Variants in RYR2 observed in about 807,000 individuals in gnomAD.
RYR2 encodes ryanodine receptor 2.
A neutral mutation model predicts 601.1 loss-of-function variants in RYR2; 227 were observed. That is an observed-to-expected ratio of 0.38 (90% CI 0.34 to 0.42). RYR2 has a LOEUF of 0.42. Among genes scored for constraint, RYR2 ranks in the 10% least tolerant of loss-of-function variants. The probability of loss-of-function intolerance (pLI) is 1.00; values close to 1 mark genes in which losing one functional copy is unlikely to be tolerated. For synonymous variants in RYR2, 2,223 were observed against 2,175.1 expected (o/e 1.02, Z -0.61); for missense variants, 4,646 against 6,156.5 (o/e 0.75, Z 8.21).
intron 1 of RYR2, among the ~76,000 whole-genome samples, chr1:237,147,940 G>A (rs1398396514): frequency 1.3e-5 from 2 of 152,198 alleles, no homozygotes; most frequent in Non-Finnish European, 2.9e-5. Flanking sequence ...ACCTTGATTT[G>A]GCCTTGGCCT....
intron 1 of RYR2, among the ~76,000 whole-genome samples, chr1:237,218,633 G>A (rs1442836838): frequency 6.6e-6 from 1 of 152,124 alleles, no homozygotes; most frequent in South Asian, 2.1e-4. Context: ...TCACCATGGG[G>A]AATTTGGCAT....
intron 2 of RYR2, among the ~76,000 whole-genome samples, chr1:237,278,598 T>C (rs1057361691): frequency 6.6e-6 from 1 of 152,178 alleles, no homozygotes; most frequent in Non-Finnish European, 1.5e-5. Context: ...TAAGTGAATA[T>C]AATTTGTACT....
intron 44 of RYR2, among the ~76,000 whole-genome samples, chr1:237,635,766 A>G (rs1248280112): frequency 1.3e-5 from 2 of 152,324 alleles, no homozygotes; most frequent in African/African-American, 2.4e-5. Flanking sequence ...CTGTTCCTAC[A>G]TACCAGCCTG....
At chr1:237,363,787 G>A (rs1699981510) in intron 4 of RYR2, among the ~76,000 whole-genome samples, 1 of 152,116 alleles carries the variant, frequency 6.6e-6, no homozygotes, top group East Asian at 1.9e-4. Context: ...GTCATTTTAA[G>A]AGAAAAAGAA....
chr1:237,708,837 C>A, intron 68 of RYR2, 21 bp from the exon 69 acceptor site: 1 of 1,596,708 alleles, frequency 6.3e-7, no homozygotes, highest in Non-Finnish European at 8.6e-7. Context: ...GAGCAGAATA[C>A]TAATGTCTGT....
chr1:237,757,849 TA>T (rs1347154741), intron 82 of RYR2, 73 bp downstream of exon 82: 1 of 968,552 alleles, frequency 1.0e-6, no homozygotes, highest in East Asian at 2.4e-5. Context: ...CTATTTGTTG[TA>T]AAATGTTTTA....
chr1:237,751,580 G>A (rs574300885), intron 80 of RYR2, among the ~76,000 whole-genome samples: 1 of 152,242 alleles, frequency 6.6e-6, no homozygotes, highest in African/African-American at 2.4e-5. Context: ...CACCCAAAAT[G>A]CAAGTGTATA....
chr1:237,054,591 G>A (rs10925301), intron 1 of RYR2, among the ~76,000 whole-genome samples: 62,211 of 151,814 alleles, frequency 0.41, 13,317 homozygotes, highest in East Asian at 0.78. Context: ...TTCTTCTCAA[G>A]CAAATTCATC....
intron 71 of RYR2, among the ~76,000 whole-genome samples, chr1:237,716,555 A>G (rs184613327): frequency 2.9e-3 from 444 of 152,276 alleles, no homozygotes; most frequent in Non-Finnish European, 5.0e-3. Flanking sequence ...ATAAGCCTCA[A>G]AAACATCACA....
chr1:237,279,166 G>A lies in RYR2; in HGVS notation c.168+8550G>A, dbSNP rs138237906. Among the ~76,000 whole-genome samples the A allele has an allele frequency of 2.6e-5, 4 of 152,244 alleles. No homozygotes were observed. The East Asian group carries it at 5.8e-4, about 22-fold the overall frequency. On this transcript the variant is annotated intron_variant, in intron 2 of 104. Transcript: ENST00000366574. Reference sequence around the variant, plus strand: ...TGTTTAAACAATGATCATAAGAAAAGCGGGCTAAATAAAACTGCCTTTACA... The same window carrying A: ...TGTTTAAACAATGATCATAAGAAAAACGGGCTAAATAAAACTGCCTTTACA...
At chr1:237,461,247 A>G (rs1227431110) in intron 16 of RYR2, among the ~76,000 whole-genome samples, 2 of 152,210 alleles carry the variant, frequency 1.3e-5, no homozygotes, top group African/African-American at 4.8e-5. Flanking sequence ...ACCATCTGGT[A>G]TACAGCTAAA....
At chr1:237,236,078 C>T (rs1353686827) in intron 1 of RYR2, among the ~76,000 whole-genome samples, 1 of 152,144 alleles carries the variant, frequency 6.6e-6, no homozygotes, top group South Asian at 2.1e-4. Flanking sequence ...TTTTTCAAAA[C>T]AACAGTAACA....
intron 1 of RYR2, among the ~76,000 whole-genome samples, chr1:237,121,574 T>A (rs1670782081): frequency 6.6e-6 from 1 of 152,226 alleles, no homozygotes; most frequent in South Asian, 2.1e-4. Flanking sequence ...TTAGAAGACA[T>A]TGCTGGACCA....
At chr1:237,118,590 G>A (rs1484487526) in intron 1 of RYR2, among the ~76,000 whole-genome samples, 1 of 151,806 alleles carries the variant, frequency 6.6e-6, no homozygotes, top group Non-Finnish European at 1.5e-5. Context: ...GTTATTGTTT[G>A]TTTGTTTTTG....
At chr1:237,383,398 T>G (rs998307757) in intron 8 of RYR2, among the ~76,000 whole-genome samples, 12 of 149,262 alleles carry the variant, frequency 8.0e-5, no homozygotes, top group Admixed American at 6.7e-4. Context: ...TTTTTTTACA[T>G]TTTCTTTTCT....
chr1:237,798,992 T>C (rs1244145959), intron 97 of RYR2, among the ~76,000 whole-genome samples: 1 of 152,234 alleles, frequency 6.6e-6, no homozygotes, highest in Non-Finnish European at 1.5e-5. Flanking sequence ...AAAACATATT[T>C]CTGGTTCTGT....
chr1:237,388,017 C>A, intron 9 of RYR2, 70 bp from the exon 10 acceptor site: 1 of 1,360,626 alleles, frequency 7.3e-7, no homozygotes, highest in Non-Finnish European at 1.0e-6. Context: ...AAGATTGGAC[C>A]AGATGATCTG....
intron 56 of RYR2, among the ~76,000 whole-genome samples, chr1:237,665,217 G>A (rs562363671): frequency 2.6e-5 from 4 of 151,950 alleles, no homozygotes; most frequent in Admixed American, 6.6e-5. Context: ...TGCCCAATAT[G>A]GTGAAACCCC....
At chr1:237,339,379 C>T (rs1276611508) in intron 3 of RYR2, among the ~76,000 whole-genome samples, 1 of 151,996 alleles carries the variant, frequency 6.6e-6, no homozygotes, top group African/African-American at 2.4e-5. Context: ...GTCTATTATG[C>T]ATGCAATATG....
Sources: allele counts gnomAD v4.1 joint callset (sites outside exome capture counted in the v4.1 genomes callset), GRCh38; gene constraint gnomAD v4.1.1; transcripts MANE v1.5; gene names NCBI Gene and HGNC (gene_info 2026-07-23, HGNC 2026-07-21).